Variants in PKP2 observed in about 807,000 individuals in gnomAD.
The protein encoded by PKP2 is plakophilin-2.
A neutral mutation model predicts 83.4 loss-of-function variants in PKP2; 73 were observed. The observed-to-expected ratio is 0.88, with a 90% CI of 0.72 to 1.06. PKP2 has a LOEUF of 1.06. PKP2 is among the 50% of genes least tolerant of loss of function. The probability of loss-of-function intolerance (pLI) is 0.00; values close to 1 mark genes in which losing one functional copy is unlikely to be tolerated. For synonymous variants in PKP2, 409 were observed against 430.4 expected (o/e 0.95, Z 0.62); for missense variants, 966 against 1,065.4 (o/e 0.91, Z 1.30).
intron 6 of PKP2, among the ~76,000 whole-genome samples, chr12:32,831,792 T>C (rs1052135382): frequency 2.6e-5 from 4 of 152,200 alleles, no homozygotes; most frequent in Non-Finnish European, 5.9e-5. Flanking sequence ...TGGAAAATGA[T>C]AGTCTGAAGA....
intron 9 of PKP2, among the ~76,000 whole-genome samples, chr12:32,809,080 T>C (rs1170192383): frequency 6.6e-6 from 1 of 152,186 alleles, no homozygotes; most frequent in Non-Finnish European, 1.5e-5. Flanking sequence ...CCCTTCCTCA[T>C]CTGGACTGCC....
Position 32,792,443 on chromosome 12 carries a change from T to C in PKP2, c.2495A>G (p.Tyr832Cys). 1 of 1,613,678 alleles carries C rather than the reference T, an allele frequency of 6.2e-7. No individual in the cohort carries two copies. The highest frequency in any genetic ancestry group is 8.5e-7 in the Non-Finnish European group (1 of 1,179,584). The part of the protein sequence containing the change: ...DFVNSRTAKA[Y>C]HSLKD ...TTTTCCTCAGTCTTTAAGGGAGTGG[T>C]AGGCTTTGGCAGTCCGGCTGTTGAC... The change falls in exon 13 of 13, where the codon TAC becomes TGC. Residue 832 changes from tyrosine to cysteine, a missense_variant. By Grantham distance (194) the Tyr-to-Cys change is radical. Transcript: ENST00000340811.
intron 6 of PKP2, 147 bp from the exon 7 acceptor site, chr12:32,824,309 C>T (rs1369395969): frequency 1.7e-5 from 12 of 697,046 alleles, no homozygotes; most frequent in South Asian, 1.5e-4. Context: ...GTCAACAAAT[C>T]ATTGACTGCT....
intron 1 of PKP2, among the ~76,000 whole-genome samples, chr12:32,891,357 T>C (rs35263570): frequency 0.14 from 21,563 of 152,192 alleles, 1,866 homozygotes; most frequent in Non-Finnish European, 0.18. Flanking sequence ...TTCATTACTA[T>C]CATAGTTTGC....
rs774258852 is a variant in PKP2 at position 32,792,694 on chromosome 12, G to A, written c.2395C>T (p.Leu799Phe). ...SNKASKAASV[L>F]LYSLWAHTEL... ...GTGTGTGCCCACAGAGAATACAGAA[G>A]GACGGAAGCAGCTTTACTTGCTTTG... The change falls in exon 12 of 13, where the codon CTT becomes TTT. Residue 799 changes from leucine (L) to phenylalanine (F), a missense_variant. Coordinates refer to ENST00000340811, the MANE Select transcript of PKP2 (RefSeq NM_001005242.3). 6.2e-7 allele frequency: 1 copy of A among 1,614,128 alleles called. No individual in the cohort carries two copies. The highest frequency in any genetic ancestry group is 1.1e-5 in the South Asian group (1 of 91,082).
intron 9 of PKP2, among the ~76,000 whole-genome samples, chr12:32,804,388 C>T (rs1956206537): frequency 6.6e-6 from 1 of 152,118 alleles, no homozygotes; most frequent in Non-Finnish European, 1.5e-5. Context: ...TGGTTTGCTG[C>T]ACAGATCATC....
intron 6 of PKP2, among the ~76,000 whole-genome samples, chr12:32,825,162 C>CTTTTTTTT (rs10607965): frequency 5.2e-5 from 4 of 76,854 alleles, no homozygotes; most frequent in South Asian, 5.3e-4. Flanking sequence ...AGATCAGTTT[C>CTTTTTTTT]TTTTTTTTTT....
At chr12:32,853,723 C>A (rs1433173552) in intron 4 of PKP2, among the ~76,000 whole-genome samples, 1 of 152,130 alleles carries the variant, frequency 6.6e-6, no homozygotes, top group East Asian at 1.9e-4. Flanking sequence ...GTTGGCCAGG[C>A]TGGTCTCGAA....
chr12:32,850,195 A>G (rs1267012819), intron 5 of PKP2, among the ~76,000 whole-genome samples: 1 of 152,228 alleles, frequency 6.6e-6, no homozygotes, highest in African/African-American at 2.4e-5. Context: ...TCAAAGGTGC[A>G]TAGAGTTTCT....
intron 9 of PKP2, among the ~76,000 whole-genome samples, chr12:32,819,681 T>A (rs891443586): frequency 2.6e-5 from 4 of 152,212 alleles, no homozygotes; most frequent in Non-Finnish European, 5.9e-5. Flanking sequence ...CAAATGAATG[T>A]AGGAACTAGG....
intron 9 of PKP2, among the ~76,000 whole-genome samples, chr12:32,816,667 G>A (rs1956322817): frequency 6.6e-6 from 1 of 152,150 alleles, no homozygotes; most frequent in Non-Finnish European, 1.5e-5. Context: ...CCTCCAAACT[G>A]CCTTCCACAG....
At chr12:32,796,082 G>C in intron 11 of PKP2, 27 bp downstream of exon 11, 1 of 1,586,342 alleles carries the variant, frequency 6.3e-7, no homozygotes, top group Non-Finnish European at 8.6e-7. Flanking sequence ...AAGGGAGGCA[G>C]CTGACGGGCA....
intron 5 of PKP2, among the ~76,000 whole-genome samples, chr12:32,846,979 G>A (rs1956652498): frequency 6.6e-6 from 1 of 151,982 alleles, no homozygotes; most frequent in African/African-American, 2.4e-5. Flanking sequence ...ACCCCTCTGA[G>A]TCTCACACTG....
At chr12:32,806,856 C>A (rs1253139827) in intron 9 of PKP2, among the ~76,000 whole-genome samples, 1 of 152,128 alleles carries the variant, frequency 6.6e-6, no homozygotes. Context: ...CTACAAATTT[C>A]CCTCTTAACA....
intron 9 of PKP2, among the ~76,000 whole-genome samples, chr12:32,819,283 AAATAC>A (rs139908317): frequency 0.04 from 1,471 of 36,466 alleles, 17 homozygotes; most frequent in African/African-American, 0.1. Flanking sequence ...GCCTCAAAAT[AAATAC>A]AATACAATAC....
chr12:32,858,141 TATATATATATAA>T (rs1956771505), intron 4 of PKP2, among the ~76,000 whole-genome samples: 1 of 107,436 alleles, frequency 9.3e-6, no homozygotes, highest in African/African-American at 3.3e-5. Flanking sequence ...TATTTATATA[TATATATATATAA>T]ATATATATAA....
intron 7 of PKP2, among the ~76,000 whole-genome samples, chr12:32,823,438 A>AG (rs1956402807): frequency 6.6e-6 from 1 of 151,618 alleles, no homozygotes; most frequent in Admixed American, 6.6e-5. Context: ...AAAAAAAAAA[A>AG]AAAGGATTAT....
intron 8 of PKP2, 62 bp from the exon 9 acceptor site, chr12:32,821,591 C>T (rs986429551): frequency 7.2e-6 from 11 of 1,522,932 alleles, no homozygotes; most frequent in Non-Finnish European, 1.0e-5. Flanking sequence ...TAATTTCACA[C>T]TCAAACCAGG....
At chr12:32,834,956 A>G (rs1178227313) in intron 6 of PKP2, among the ~76,000 whole-genome samples, 1 of 146,362 alleles carries the variant, frequency 6.8e-6, no homozygotes, top group Non-Finnish European at 1.5e-5. Flanking sequence ...ATTAAAAAAA[A>G]AAAAGGGACT....
Sources: gnomAD v4.1 joint callset for allele counts (sites outside exome capture counted in the v4.1 genomes callset) on GRCh38, gnomAD v4.1.1 for gene constraint, MANE v1.5 for transcripts, NCBI Gene and HGNC (gene_info 2026-07-23, HGNC 2026-07-21) for gene names.